The following SDK1 variants were observed in gnomAD, a reference collection of about 807,000 sequenced individuals.
The protein encoded by SDK1 is protein sidekick-1.
In SDK1, 157 loss-of-function variants were observed where a neutral mutation model predicts 245.5. That is an observed-to-expected ratio of 0.64 (90% CI 0.56 to 0.73). The LOEUF is 0.73. Among genes scored for constraint, SDK1 ranks in the 30% least tolerant of loss-of-function variants. The pLI is 0.00. For missense variants in SDK1, 3,583 were observed against 3,002.3 expected (o/e 1.19, Z -4.52); for synonymous variants, 1,647 against 1,278.5 (o/e 1.29, Z -6.15).
intron 4 of SDK1, among the ~76,000 whole-genome samples, chr7:3,758,633 G>T (rs1780005876): frequency 6.6e-6 from 1 of 151,982 alleles, no homozygotes; most frequent in African/African-American, 2.4e-5. Context: ...TTCTTTTCTT[G>T]GCACTTACTC....
chr7:3,704,313 T>C (rs951419308), intron 4 of SDK1, among the ~76,000 whole-genome samples: 27 of 152,078 alleles, frequency 1.8e-4, no homozygotes, highest in African/African-American at 5.8e-4. Flanking sequence ...ATTTTCTTTA[T>C]CCACGCATTG....
At chr7:3,793,434 G>C (rs1258570367) in intron 4 of SDK1, among the ~76,000 whole-genome samples, 1 of 152,096 alleles carries the variant, frequency 6.6e-6, no homozygotes, top group African/African-American at 2.4e-5. Context: ...CGTGACAAAC[G>C]CTGAATATTT....
At chr7:3,945,615 G>C (rs1342893184) in intron 5 of SDK1, among the ~76,000 whole-genome samples, 2 of 152,112 alleles carry the variant, frequency 1.3e-5, no homozygotes, top group Non-Finnish European at 2.9e-5. Context: ...AAAGTTGAGG[G>C]CCGGGCTTGG....
intron 1 of SDK1, among the ~76,000 whole-genome samples, chr7:3,495,437 T>A (rs1270666273): frequency 6.6e-6 from 1 of 151,852 alleles, no homozygotes; most frequent in Non-Finnish European, 1.5e-5. Flanking sequence ...TTTTGTATTT[T>A]TAGTAGAGAT....
intron 1 of SDK1, among the ~76,000 whole-genome samples, chr7:3,414,667 A>G (rs1779311588): frequency 6.6e-6 from 1 of 152,218 alleles, no homozygotes; most frequent in Admixed American, 6.5e-5. Flanking sequence ...AGGTTGTTCA[A>G]CCATCACCAC....
At chr7:4,195,609 G>C (rs1163410133) in intron 35 of SDK1, among the ~76,000 whole-genome samples, 1 of 152,234 alleles carries the variant, frequency 6.6e-6, no homozygotes, top group Non-Finnish European at 1.5e-5. Context: ...CCAAAATTGA[G>C]TTTCTGTGTA....
intron 4 of SDK1, among the ~76,000 whole-genome samples, chr7:3,710,341 G>A (rs1785013875): frequency 6.6e-6 from 1 of 152,182 alleles, no homozygotes; most frequent in Non-Finnish European, 1.5e-5. Context: ...CACACACTTA[G>A]TAACTTTCTT....
chr7:3,960,406 T>C (rs1251766790), intron 8 of SDK1, among the ~76,000 whole-genome samples: 2 of 152,260 alleles, frequency 1.3e-5, no homozygotes, highest in African/African-American at 4.8e-5. Flanking sequence ...CCCCAGGACC[T>C]GAAGCCCTGG....
chr7:3,631,581 C>G (rs1229921270), intron 2 of SDK1, among the ~76,000 whole-genome samples: 2 of 152,134 alleles, frequency 1.3e-5, no homozygotes, highest in Non-Finnish European at 2.9e-5. Flanking sequence ...GCGGTGTGAC[C>G]TCATGTTCAT....
At chr7:3,525,836 T>G (rs1021197837) in intron 1 of SDK1, among the ~76,000 whole-genome samples, 18 of 152,184 alleles carry the variant, frequency 1.2e-4, no homozygotes, top group Admixed American at 5.9e-4. Flanking sequence ...GTGTAATAAT[T>G]TGTCTTATTT....
intron 13 of SDK1, among the ~76,000 whole-genome samples, chr7:3,985,666 C>G (rs555019859): frequency 1.4e-4 from 22 of 152,240 alleles, no homozygotes; most frequent in Middle Eastern, 6.8e-3. Context: ...TTTTCTGATT[C>G]AAAACTTAAT....
chr7:4,263,506 A>G lies in SDK1; in HGVS notation c.6382-1618A>G, dbSNP rs184281754. On this transcript the variant is annotated intron_variant, in intron 44 of 44. Transcript: ENST00000404826. ...TAGATCTCTCCTGAGTGGGGAGGCCACGTAGACCTCTCCTGAGTGGGGAGG... is the reference window on the plus strand; with the variant it reads ...TAGATCTCTCCTGAGTGGGGAGGCCGCGTAGACCTCTCCTGAGTGGGGAGG... Among the ~76,000 whole-genome samples, 746 of 94,454 alleles carry G rather than the reference A, an allele frequency of 7.9e-3. 8 individuals carry two copies. Among genetic ancestry groups the G allele is most frequent in the South Asian group, 0.027 (66 of 2,460 alleles). 62.0% of individuals were successfully genotyped at this position (94,454 alleles called of 152,430 possible).
chr7:3,342,672 T>C (rs1401897671), intron 1 of SDK1, among the ~76,000 whole-genome samples: 1 of 151,922 alleles, frequency 6.6e-6, no homozygotes, highest in African/African-American at 2.4e-5. Flanking sequence ...TCACAATCCA[T>C]AAAAGAAAAA....
chr7:3,752,202 T>C (rs1045581403), intron 4 of SDK1, among the ~76,000 whole-genome samples: 2 of 152,226 alleles, frequency 1.3e-5, no homozygotes, highest in Non-Finnish European at 2.9e-5. Flanking sequence ...CATTAGCTTT[T>C]ATTCACTCTT....
chr7:3,670,648 C>G (rs903973193), intron 4 of SDK1, among the ~76,000 whole-genome samples: 9 of 152,130 alleles, frequency 5.9e-5, no homozygotes, highest in African/African-American at 2.2e-4. Flanking sequence ...TAACGAACCA[C>G]CTCCCTTCTT....
chr7:4,019,628 C>G (rs1275864996), intron 17 of SDK1, among the ~76,000 whole-genome samples: 1 of 152,072 alleles, frequency 6.6e-6, no homozygotes, highest in African/African-American at 2.4e-5. Flanking sequence ...AAATGCTCTT[C>G]ATGAGTGAAC....
chr7:3,848,634 A>G (rs529454813), intron 5 of SDK1, among the ~76,000 whole-genome samples: 3 of 151,180 alleles, frequency 2.0e-5, no homozygotes, highest in African/African-American at 7.3e-5. Context: ...GAAGACCACC[A>G]CCCAGGCCAC....
intron 19 of SDK1, among the ~76,000 whole-genome samples, chr7:4,064,805 A>G (rs1216235000): frequency 6.6e-6 from 1 of 152,174 alleles, no homozygotes; most frequent in Admixed American, 6.5e-5. Context: ...CCCTCAGGAA[A>G]ACAAATATCA....
intron 5 of SDK1, among the ~76,000 whole-genome samples, chr7:3,902,226 A>G (rs1031068513): frequency 1.3e-5 from 2 of 152,156 alleles, no homozygotes; most frequent in Non-Finnish European, 2.9e-5. Flanking sequence ...ATTTTAAATC[A>G]TGAGTTTACG....
Sources: allele counts gnomAD v4.1 joint callset (sites outside exome capture counted in the v4.1 genomes callset), GRCh38; gene constraint gnomAD v4.1.1; transcripts MANE v1.5; gene names NCBI Gene and HGNC (gene_info 2026-07-23, HGNC 2026-07-21).